The following USH1C variants were observed in gnomAD, a reference collection of about 807,000 sequenced individuals.
USH1C encodes the protein USH1 protein network component harmonin.
A neutral mutation model predicts 119.3 loss-of-function variants in USH1C; 90 were observed. That is an observed-to-expected ratio of 0.75 (90% CI 0.64 to 0.90). USH1C has a LOEUF of 0.90. USH1C is among the 40% of genes least tolerant of loss of function. The pLI, the probability that USH1C is intolerant of heterozygous loss-of-function variation, is 0.00. For synonymous variants in USH1C, 465 were observed against 443.3 expected, an observed-to-expected ratio of 1.05 and a Z score of -0.62; for missense variants, 1,165 against 1,167.7, an observed-to-expected ratio of 1.00 and a Z score of 0.03.
chr11:17,500,305 G>A (rs949045383), intron 23 of USH1C, among the ~76,000 whole-genome samples: 2 of 152,182 alleles, frequency 1.3e-5, no homozygotes, highest in Admixed American at 6.5e-5. Flanking sequence ...TGACCAAACT[G>A]CCTGGATTCA....
At chr11:17,523,508 G>GT in intron 9 of USH1C, 30 bp from the exon 10 acceptor site, 1 of 1,611,760 alleles carries the variant, frequency 6.2e-7, no homozygotes, top group Non-Finnish European at 8.5e-7. Context: ...AGATTAGTGT[G>GT]TTTGCGCTAT....
chr11:17,538,361 G>A (rs1000526859), intron 1 of USH1C, among the ~76,000 whole-genome samples: 3 of 152,064 alleles, frequency 2.0e-5, no homozygotes, highest in South Asian at 2.1e-4. Context: ...TTGGCCATGT[G>A]GTACCCTCCA....
intron 8 of USH1C, among the ~76,000 whole-genome samples, chr11:17,525,748 A>G (rs77733814): frequency 0.025 from 3,840 of 152,326 alleles, 165 homozygotes; most frequent in African/African-American, 0.087. Context: ...ATGACCAGCC[A>G]AACAGGCTCC....
chr11:17,496,879 C>A, intron 24 of USH1C, 66 bp from the exon 25 acceptor site: 1 of 1,589,632 alleles, frequency 6.3e-7, no homozygotes, highest in Non-Finnish European at 8.6e-7. Context: ...CCCGGCACTC[C>A]ATCCCCATTT....
intron 4 of USH1C, among the ~76,000 whole-genome samples, chr11:17,530,355 G>A (rs1379931538): frequency 6.6e-6 from 1 of 152,224 alleles, no homozygotes; most frequent in Admixed American, 6.5e-5. Flanking sequence ...CGTTGCTGAA[G>A]AGAGATTTCT....
intron 1 of USH1C, 72 bp from the exon 2 acceptor site, chr11:17,533,394 AG>A (rs1851084771): frequency 1.8e-6 from 2 of 1,095,420 alleles, no homozygotes; most frequent in East Asian, 5.6e-5. Context: ...CAGGGAGGAG[AG>A]GTCATCCCCA....
chr11:17,503,697 G>A (rs764079833), intron 20 of USH1C, among the ~76,000 whole-genome samples: 4 of 152,226 alleles, frequency 2.6e-5, no homozygotes, highest in Non-Finnish European at 5.9e-5. Flanking sequence ...ACAGGCTGCA[G>A]AGACCGACCT....
At position 17,527,024 on chromosome 11, in the gene USH1C, G is replaced by C. The variant is rs199739341; in HGVS notation, c.513C>G (p.Pro171=). ...GAGGAGGGGCCTCTCACCTTTTCACGGGGATCAGGCCGATGTCTGCGGGAG... is the reference window on the plus strand; with the variant it reads ...GAGGAGGGGCCTCTCACCTTTTCACCGGGATCAGGCCGATGTCTGCGGGAG... ...SIKVRHIGLI[P]VKSSPDEPLT... The change falls in exon 6 of 27, where the codon CCC becomes CCG. Residue 171 remains proline (P), a synonymous_variant. Transcript: ENST00000005226. 1 of 1,560,692 alleles carries C rather than the reference G, an allele frequency of 6.4e-7. No individual in the cohort carries two copies. Among genetic ancestry groups the C allele is most frequent in the Non-Finnish European group, 8.7e-7 (1 of 1,151,524 alleles).
Position 17,526,393 on chromosome 11 carries a change from T to A in USH1C, c.628A>T (p.Lys210Ter), listed in dbSNP as rs755601799. The A allele has an allele frequency of 2.5e-6, 4 of 1,613,972 alleles. No homozygotes were observed. The highest frequency in any genetic ancestry group is 2.7e-5 in the African/African-American group (2 of 74,904). The change falls in exon 8 of 27, where the codon AAG becomes TAG. Residue 210 changes from lysine (K) to a stop codon, truncating the protein, a stop_gained. Transcript: ENST00000005226. LOFTEE classifies it high-confidence loss of function. ...GSPGNRENKE[K>*]KVFISLVGSR... ...CCTACCAGGCTGATGAAGACCTTCT[T>A]CTCCTTGTTTTCCCGATTTCCAGGG...
chr11:17,505,966 A>C lies in USH1C; in HGVS notation c.2014-17T>G. 6.2e-7 allele frequency: 1 copy of C among 1,614,112 alleles called. No homozygotes were observed. The highest frequency in any genetic ancestry group is 1.3e-5 in the African/African-American group (1 of 75,048). ...GCAAAATGTCTAAGGAGTTAGTTTA[A>C]CAGGGACCCAGGTGAGGTCATGGTG... On this transcript the variant is annotated splice_polypyrimidine_tract_variant and intron_variant, in intron 18 of 26. Coordinates refer to ENST00000005226, the MANE Select transcript of USH1C (RefSeq NM_153676.4).
chr11:17,498,317 C>A, intron 23 of USH1C, 46 bp from the exon 24 acceptor site: 1 of 1,574,840 alleles, frequency 6.3e-7, no homozygotes, highest in Non-Finnish European at 8.7e-7. Context: ...GTATGTGACA[C>A]GTGCCTGGCC....
intron 4 of USH1C, among the ~76,000 whole-genome samples, chr11:17,529,289 T>C (rs1157653776): frequency 1.3e-5 from 2 of 152,116 alleles, no homozygotes; most frequent in African/African-American, 4.8e-5. Flanking sequence ...AGTTAGGATA[T>C]TCTTGGGGAA....
chr11:17,529,758 A>G (rs1050490206), intron 4 of USH1C, among the ~76,000 whole-genome samples: 2 of 152,212 alleles, frequency 1.3e-5, no homozygotes, highest in Non-Finnish European at 2.9e-5. Context: ...GGACAGCGGC[A>G]CAAAGGAGAG....
intron 1 of USH1C, among the ~76,000 whole-genome samples, chr11:17,542,566 T>A (rs1275274202): frequency 6.6e-6 from 1 of 152,186 alleles, no homozygotes; most frequent in Non-Finnish European, 1.5e-5. Flanking sequence ...CTGTGGGACC[T>A]GGGGAAGAGG....
chr11:17,528,453 AG>A (rs1850810785), intron 4 of USH1C, among the ~76,000 whole-genome samples: 1 of 152,230 alleles, frequency 6.6e-6, no homozygotes, highest in Non-Finnish European at 1.5e-5. Flanking sequence ...GTTTTGTCCA[AG>A]GTCACACAGC....
chr11:17,518,339 G>C (rs1444482007), intron 14 of USH1C, among the ~76,000 whole-genome samples: 6 of 152,212 alleles, frequency 3.9e-5, no homozygotes, highest in Admixed American at 3.9e-4. Flanking sequence ...GGGGTCTCTT[G>C]TGGTGGAGGT....
chr11:17,497,140 G>C (rs1849277768), intron 24 of USH1C, among the ~76,000 whole-genome samples: 1 of 151,982 alleles, frequency 6.6e-6, no homozygotes. Flanking sequence ...TTGGCCCCCA[G>C]AAGTCAAGGG....
intron 9 of USH1C, among the ~76,000 whole-genome samples, chr11:17,524,167 T>C (rs974525591): frequency 1.3e-5 from 2 of 152,230 alleles, no homozygotes; most frequent in African/African-American, 4.8e-5. Context: ...GTAAAGGGCA[T>C]GGAACAATGT....
At chr11:17,518,810 G>A (rs1005048351) in intron 14 of USH1C, among the ~76,000 whole-genome samples, 22 of 152,106 alleles carry the variant, frequency 1.4e-4, no homozygotes, top group African/African-American at 5.3e-4. Flanking sequence ...ACCTGAGGCT[G>A]GGAGTTCAAG....
Sources: allele counts gnomAD v4.1 joint callset (sites outside exome capture counted in the v4.1 genomes callset), GRCh38; gene constraint gnomAD v4.1.1; transcripts MANE v1.5; gene names NCBI Gene and HGNC (gene_info 2026-07-23, HGNC 2026-07-21).